The following DNAJC6 variants were observed in gnomAD, a reference collection of about 807,000 sequenced individuals.
The protein encoded by DNAJC6 is DnaJ heat shock protein family (Hsp40) member C6, also known as auxilin.
DNAJC6 carries 34 observed loss-of-function variants against 110.0 expected under a neutral mutation model. That is an observed-to-expected ratio of 0.31 (90% CI 0.24 to 0.41). The LOEUF (loss-of-function observed/expected upper bound fraction) is 0.41. Ranked by LOEUF, DNAJC6 falls within the 10% of genes least tolerant of loss-of-function variation. DNAJC6 has a pLI of 1.00. For synonymous variants in DNAJC6, 406 were observed against 437.2 expected, an observed-to-expected ratio of 0.93 and a Z score of 0.89; for missense variants, 1,031 against 1,207.8, an observed-to-expected ratio of 0.85 and a Z score of 2.17.
chr1:65,310,000 G>C (rs1233185036), intron 1 of DNAJC6, 62 bp downstream of exon 1: 3 of 1,375,968 alleles, frequency 2.2e-6, no homozygotes, highest in Non-Finnish European at 2.8e-6. Context: ...CCTCCCAGTC[G>C]CCCGGCCCGA....
chr1:65,341,708 T>A (rs1258971722), intron 1 of DNAJC6, among the ~76,000 whole-genome samples: 1 of 151,914 alleles, frequency 6.6e-6, no homozygotes, highest in East Asian at 1.9e-4. Context: ...CTGCTGCCAC[T>A]ACCCCTGGAA....
At chr1:65,267,190 C>A (rs1295779283) in intron 1 of DNAJC6, among the ~76,000 whole-genome samples, 3 of 152,152 alleles carry the variant, frequency 2.0e-5, no homozygotes, top group Non-Finnish European at 4.4e-5. Flanking sequence ...AGCCACCGTG[C>A]CTGGCCGGTA....
In DNAJC6 at chr1:65,413,113, C is replaced by T; in HGVS notation, c.*88C>T. ...GAGGTTTTCGCAGATGAACCAAAAA[C>T]TCCAGTAACATGTTTTCAGTACTAA... is the stretch of plus-strand genomic sequence containing the variant. On this transcript the variant is annotated 3_prime_UTR_variant, in exon 19 of 19. Coordinates refer to ENST00000371069, the MANE Select transcript of DNAJC6 (RefSeq NM_001256864.2). The T allele has an allele frequency of 9.1e-7, 1 of 1,097,312 alleles. No homozygotes were observed. The highest frequency in any genetic ancestry group is 1.4e-6 in the Non-Finnish European group (1 of 737,122). 68.0% of individuals were successfully genotyped at this position (1,097,312 alleles called of 1,614,324 possible). A position where few individuals can be genotyped will look rare whatever the true frequency, so the allele number is the denominator to read the frequency against.
intron 15 of DNAJC6, among the ~76,000 whole-genome samples, chr1:65,402,751 G>C (rs534377309): frequency 1.2e-4 from 18 of 152,324 alleles, no homozygotes; most frequent in Admixed American, 1.2e-3. Context: ...GTTGTTGTCT[G>C]TAACTAGTGT....
In DNAJC6 at chr1:65,331,750, G is replaced by A. The variant is rs76026912; in HGVS notation, c.193+21812G>A. Among the ~76,000 whole-genome samples, 430 of 152,340 alleles carry A rather than the reference G, an allele frequency of 2.8e-3. 3 individuals are homozygous for A. Among genetic ancestry groups the A allele is most frequent in the African/African-American group, 0.01 (420 of 41,586 alleles). On this transcript the variant is annotated intron_variant, in intron 1 of 18. Coordinates refer to ENST00000371069, the MANE Select transcript of DNAJC6 (RefSeq NM_001256864.2). ...ATGGCTTTTATACCATGTTTGCTGA[G>A]TATGAGCTCAGGTCAGACAAAATAT...
At chr1:65,308,554 A>G (rs932789234), upstream of DNAJC6, among the ~76,000 whole-genome samples, 3 of 152,230 alleles carry the variant, frequency 2.0e-5, no homozygotes, top group Admixed American at 6.5e-5. Context: ...GTCTTCTTTT[A>G]AGAATACACG....
rs1016204575 is a variant in DNAJC6 at position 65,385,952 on chromosome 1, A to T, written c.995+46A>T. 3 of 1,462,848 alleles carry T rather than the reference A, an allele frequency of 2.1e-6. No homozygotes were observed. In the African/African-American group the frequency reaches 4.1e-5, roughly 20 times the overall value. The allele number at this position is 1,462,848 out of a possible 1,614,324, so 90.6% of individuals were successfully genotyped here. A position where few individuals can be genotyped will look rare whatever the true frequency, so the allele number is the denominator to read the frequency against. ...TCTTCCTATGTACTTCTCAATTCTC[A>T]TGTAAATGAGCAGGAATGAGTTGAA... On this transcript the variant is annotated intron_variant, in intron 7 of 18. Coordinates refer to ENST00000371069, the MANE Select transcript of DNAJC6 (RefSeq NM_001256864.2).
intron 4 of DNAJC6, among the ~76,000 whole-genome samples, chr1:65,373,272 G>A (rs1401968127): frequency 6.6e-6 from 1 of 152,168 alleles, no homozygotes; most frequent in Non-Finnish European, 1.5e-5. Context: ...AAACATGGGA[G>A]TGCAGCTTTA....
At chr1:65,265,751 A>C (rs1165253565) in intron 1 of DNAJC6, among the ~76,000 whole-genome samples, 1 of 152,106 alleles carries the variant, frequency 6.6e-6, no homozygotes, top group Non-Finnish European at 1.5e-5. Flanking sequence ...GTGTTCCCCG[A>C]TCCCGTTTCC....
At position 65,377,388 on chromosome 1, in the gene DNAJC6, A is replaced by G. The variant is rs1039935409; in HGVS notation, c.544-2014A>G. ...CCGTTCCTTGAAAACAAACACGTCA[A>G]TGGGGAATATATATGTGGGTAAAGA... On this transcript the variant is annotated intron_variant, in intron 4 of 18. Coordinates refer to ENST00000371069, the MANE Select transcript of DNAJC6 (RefSeq NM_001256864.2). Among the ~76,000 whole-genome samples, 17 of 152,316 alleles carry G rather than the reference A, an allele frequency of 1.1e-4. 1 individual carries two copies. The highest frequency in any genetic ancestry group is 3.4e-3 in the Middle Eastern group (1 of 294).
chr1:65,293,150 C>T (rs573500486), intron 1 of DNAJC6, among the ~76,000 whole-genome samples: 1 of 152,360 alleles, frequency 6.6e-6, no homozygotes, highest in African/African-American at 2.4e-5. Flanking sequence ...GCATAAACAA[C>T]ACACACTTAT....
chr1:65,376,562 C>G (rs773855530), intron 4 of DNAJC6, among the ~76,000 whole-genome samples: 6 of 151,486 alleles, frequency 4.0e-5, no homozygotes, highest in African/African-American at 1.2e-4. Context: ...TTTGCTGTAT[C>G]CCATATGTTT....
chr1:65,277,518 C>A (rs544400149), intron 1 of DNAJC6, among the ~76,000 whole-genome samples: 2 of 152,262 alleles, frequency 1.3e-5, no homozygotes, highest in East Asian at 3.9e-4. Flanking sequence ...TTTTAGAAAA[C>A]TTGATCTTGT....
intron 1 of DNAJC6, among the ~76,000 whole-genome samples, chr1:65,326,195 C>A (rs976350472): frequency 6.6e-6 from 1 of 152,204 alleles, no homozygotes; most frequent in African/African-American, 2.4e-5. Flanking sequence ...CTGTGTAGAA[C>A]CCTGTTTGCC....
At chr1:65,301,798 T>C (rs1303743240) in intron 1 of DNAJC6, among the ~76,000 whole-genome samples, 1 of 151,986 alleles carries the variant, frequency 6.6e-6, no homozygotes, top group Non-Finnish European at 1.5e-5. Flanking sequence ...ATGTGATTCA[T>C]GGACAAAAAG....
chr1:65,265,924 C>G (rs1281540842), intron 1 of DNAJC6, among the ~76,000 whole-genome samples: 3 of 152,258 alleles, frequency 2.0e-5, no homozygotes, highest in Non-Finnish European at 4.4e-5. Context: ...CGCCGGCCCC[C>G]CTTTCTTTTC....
At chr1:65,360,470 T>C (rs996891666) in intron 1 of DNAJC6, among the ~76,000 whole-genome samples, 22 of 152,188 alleles carry the variant, frequency 1.4e-4, no homozygotes, top group African/African-American at 4.6e-4. Context: ...AACTGAGAGT[T>C]GAAGAGACAT....
chr1:65,370,344 C>G (rs369787961), intron 4 of DNAJC6, among the ~76,000 whole-genome samples: 1 of 152,184 alleles, frequency 6.6e-6, no homozygotes, highest in Non-Finnish European at 1.5e-5. Context: ...TAACCAACAC[C>G]GCTATCTATA....
rs533041112 is a variant in DNAJC6, at chr1:65,284,710, C to T, written c.-131+19778C>T. 1.3e-4 allele frequency among the ~76,000 whole-genome samples: 19 copies of T among 151,026 alleles called. 1 individual carries two copies. Among genetic ancestry groups the T allele is most frequent in the Middle Eastern group, 6.8e-3 (2 of 294 alleles). On this transcript the variant is annotated intron_variant, in intron 1 of 19. Transcript: ENST00000263441. ...CTGTTTTTTGTTTTTTTTTTTGAGA[C>T]GGAGTTTCACTTTTTTTGCCCAGGC... is the stretch of plus-strand genomic sequence containing the variant.
Sources: allele counts gnomAD v4.1 joint callset (sites outside exome capture counted in the v4.1 genomes callset), GRCh38; gene constraint gnomAD v4.1.1; transcripts MANE v1.5; gene names NCBI Gene and HGNC (gene_info 2026-07-23, HGNC 2026-07-21).